TANGO6: variants seen among roughly 807,000 people sequenced by gnomAD.
The protein encoded by TANGO6 is transport and Golgi organization protein 6 homolog.
In TANGO6, 90 loss-of-function variants were observed where a neutral mutation model predicts 114.2. The ratio of observed to expected loss-of-function variants is 0.79; its 90% CI spans 0.66 to 0.94. The LOEUF (loss-of-function observed/expected upper bound fraction) is 0.94. TANGO6 is among the 40% of genes least tolerant of loss of function. TANGO6 has a pLI of 0.00. For synonymous variants in TANGO6, 477 were observed against 509.8 expected (o/e 0.94, Z 0.87); for missense variants, 1,274 against 1,315.3 (o/e 0.97, Z 0.49).
intron 17 of TANGO6, among the ~76,000 whole-genome samples, chr16:69,048,842 G>C (rs1302181063): frequency 6.6e-6 from 1 of 152,154 alleles, no homozygotes; most frequent in Non-Finnish European, 1.5e-5. Context: ...TCAGGGTCCT[G>C]AGAGAGCAGG....
At chr16:68,912,972 C>T (rs1239427428) in intron 11 of TANGO6, among the ~76,000 whole-genome samples, 2 of 148,820 alleles carry the variant, frequency 1.3e-5, no homozygotes, top group South Asian at 2.2e-4. Flanking sequence ...CCCAGCTATT[C>T]GGAAGGCTGA....
intron 14 of TANGO6, among the ~76,000 whole-genome samples, chr16:68,958,336 A>G (rs1597036503): frequency 6.6e-6 from 1 of 151,608 alleles, no homozygotes; most frequent in East Asian, 1.9e-4. Flanking sequence ...CTAAAACCAC[A>G]AAATTAGCCG....
At chr16:68,980,894 C>G (rs1312659908) in intron 15 of TANGO6, among the ~76,000 whole-genome samples, 1 of 151,842 alleles carries the variant, frequency 6.6e-6, no homozygotes, top group African/African-American at 2.4e-5. Context: ...ACTCGGGAAG[C>G]TGACGCAGGA....
At chr16:68,969,720 T>C (rs1181366890) in intron 14 of TANGO6, among the ~76,000 whole-genome samples, 2 of 152,074 alleles carry the variant, frequency 1.3e-5, no homozygotes, top group Non-Finnish European at 2.9e-5. Flanking sequence ...AAATCATTGT[T>C]AACCAGAAAA....
intron 7 of TANGO6, among the ~76,000 whole-genome samples, chr16:68,883,520 C>T (rs1385839810): frequency 6.6e-6 from 1 of 152,130 alleles, no homozygotes; most frequent in African/African-American, 2.4e-5. Flanking sequence ...TAACATGCCT[C>T]ATTTTGTTTA....
In TANGO6 at chr16:68,875,269, C is replaced by T; in HGVS notation, c.1110C>T (p.Tyr370=). ...AGCAGTCTCTTTCACCAGAGAATTA[C>T]TACAGGGACATCTGCCCCCAGGTAA... ...CPQQSLSPEN[Y]YRDICPQVLD... The change falls in exon 5 of 18, where the codon TAC becomes TAT. Residue 370 remains tyrosine (Y), a synonymous_variant. Coordinates refer to ENST00000261778, the MANE Select transcript of TANGO6 (RefSeq NM_024562.2). The T allele has an allele frequency of 6.2e-7, 1 of 1,613,360 alleles. No homozygotes were observed. The highest frequency in any genetic ancestry group is 8.5e-7 in the Non-Finnish European group (1 of 1,179,512).
At chr16:69,037,171 G>A (rs1045610314) in intron 16 of TANGO6, among the ~76,000 whole-genome samples, 1 of 151,374 alleles carries the variant, frequency 6.6e-6, no homozygotes, top group African/African-American at 2.4e-5. Flanking sequence ...TGCCCTTGAA[G>A]GGAAAGCCCT....
chr16:68,992,052 T>C (rs549115041), intron 15 of TANGO6, among the ~76,000 whole-genome samples: 1 of 152,264 alleles, frequency 6.6e-6, no homozygotes, highest in Admixed American at 6.5e-5. Context: ...CCAGCAACTA[T>C]TCTCACAGAA....
chr16:68,889,916 T>G (rs1293586754), intron 7 of TANGO6, among the ~76,000 whole-genome samples: 5 of 152,250 alleles, frequency 3.3e-5, no homozygotes, highest in Non-Finnish European at 7.3e-5. Context: ...AAAGACGATC[T>G]TATGCAATAT....
At chr16:68,844,967 C>CTTTT (rs200473627) in intron 1 of TANGO6, among the ~76,000 whole-genome samples, 7 of 131,210 alleles carry the variant, frequency 5.3e-5, no homozygotes, top group East Asian at 2.2e-4. Flanking sequence ...AACGGCAACT[C>CTTTT]TTTTTTTTTT....
At chr16:68,938,942 C>T (rs1028650603) in intron 14 of TANGO6, among the ~76,000 whole-genome samples, 1 of 151,592 alleles carries the variant, frequency 6.6e-6, no homozygotes. Context: ...CATGGTGGCT[C>T]ACACCTGTAA....
intron 4 of TANGO6, among the ~76,000 whole-genome samples, chr16:68,868,820 G>A (rs1158431565): frequency 6.6e-6 from 1 of 152,000 alleles, no homozygotes; most frequent in Non-Finnish European, 1.5e-5. Context: ...TAATATATGG[G>A]AATTCATAAT....
At chr16:68,889,259 A>G (rs971733600) in intron 7 of TANGO6, among the ~76,000 whole-genome samples, 4 of 152,240 alleles carry the variant, frequency 2.6e-5, no homozygotes, top group Admixed American at 1.3e-4. Context: ...ATGCCTCAGT[A>G]TCATCCAAAG....
chr16:69,045,939 C>G (rs1412998567), intron 17 of TANGO6, among the ~76,000 whole-genome samples: 1 of 150,620 alleles, frequency 6.6e-6, no homozygotes, highest in South Asian at 2.1e-4. Flanking sequence ...TGTCACGCAT[C>G]TGTAATCCCA....
intron 14 of TANGO6, among the ~76,000 whole-genome samples, chr16:68,931,250 A>G (rs1963235303): frequency 6.6e-6 from 1 of 152,148 alleles, no homozygotes. Context: ...TTGGCAAATT[A>G]CTTAATCCCT....
At chr16:68,884,496 C>G (rs551766778) in intron 7 of TANGO6, among the ~76,000 whole-genome samples, 1 of 152,268 alleles carries the variant, frequency 6.6e-6, no homozygotes, top group African/African-American at 2.4e-5. Context: ...GTCTAGAAAG[C>G]AGATGTTCTA....
At chr16:68,906,466 C>G (rs1380861063) in intron 9 of TANGO6, among the ~76,000 whole-genome samples, 2 of 152,134 alleles carry the variant, frequency 1.3e-5, no homozygotes, top group African/African-American at 2.4e-5. Context: ...TACTTTGCAG[C>G]CTTCTCTTTC....
At chr16:68,868,842 C>T (rs1962221662) in intron 4 of TANGO6, among the ~76,000 whole-genome samples, 1 of 152,114 alleles carries the variant, frequency 6.6e-6, no homozygotes, top group African/African-American at 2.4e-5. Context: ...TTTTCAGTTT[C>T]AGGCATCATG....
intron 14 of TANGO6, among the ~76,000 whole-genome samples, chr16:68,953,858 T>G (rs890773501): frequency 6.6e-6 from 1 of 152,096 alleles, no homozygotes. Flanking sequence ...TCACTAAACA[T>G]GTTTTAGGGA....
Sources: gnomAD v4.1 joint callset for allele counts (sites outside exome capture counted in the v4.1 genomes callset) on GRCh38, gnomAD v4.1.1 for gene constraint, MANE v1.5 for transcripts, NCBI Gene and HGNC (gene_info 2026-07-23, HGNC 2026-07-21) for gene names.